Variants in SUCLG2 observed in about 807,000 individuals in gnomAD.
SUCLG2 encodes the protein succinate--CoA ligase [GDP-forming] subunit beta, mitochondrial.
A neutral mutation model predicts 47.9 loss-of-function variants in SUCLG2; 42 were observed. The ratio of observed to expected loss-of-function variants is 0.88; its 90% CI spans 0.69 to 1.14. SUCLG2 has a LOEUF of 1.14. Among genes scored for constraint, SUCLG2 ranks in the 50% most tolerant of loss-of-function variants. The pLI, the probability that SUCLG2 is intolerant of heterozygous loss-of-function variation, is 0.00. For missense variants in SUCLG2, 571 were observed against 525.9 expected, an observed-to-expected ratio of 1.09 and a Z score of -0.84; for synonymous variants, 195 against 197.3, an observed-to-expected ratio of 0.99 and a Z score of 0.10.
chr3:67,652,427 G>A (rs1701303015), intron 1 of SUCLG2, among the ~76,000 whole-genome samples: 2 of 152,330 alleles, frequency 1.3e-5, no homozygotes, highest in Non-Finnish European at 2.9e-5. Context: ...TATGATGAGA[G>A]AAGTGGGCCA....
chr3:67,598,523 T>C (rs921948454), intron 2 of SUCLG2, among the ~76,000 whole-genome samples: 5 of 152,220 alleles, frequency 3.3e-5, no homozygotes, highest in African/African-American at 9.6e-5. Flanking sequence ...TAAGCTTAAA[T>C]GCCAGATGAA....
At chr3:67,537,195 C>T (rs991854368) in intron 2 of SUCLG2, among the ~76,000 whole-genome samples, 2 of 151,398 alleles carry the variant, frequency 1.3e-5, no homozygotes, top group Admixed American at 1.3e-4. Flanking sequence ...TTATTTAAAT[C>T]CGTTCCCCTC....
chr3:67,557,303 C>A (rs1401932055), intron 2 of SUCLG2, among the ~76,000 whole-genome samples: 4 of 152,108 alleles, frequency 2.6e-5, no homozygotes, highest in East Asian at 1.9e-4. Flanking sequence ...TTGAGATGAA[C>A]AGAGATCGTT....
At chr3:67,388,494 T>C (rs764289729) in intron 10 of SUCLG2, among the ~76,000 whole-genome samples, 14 of 152,204 alleles carry the variant, frequency 9.2e-5, no homozygotes, top group Non-Finnish European at 1.8e-4. Context: ...AGCAGACCCA[T>C]AGCAAGACAA....
At chr3:67,451,893 C>T (rs1348450858) in intron 9 of SUCLG2, among the ~76,000 whole-genome samples, 1 of 152,056 alleles carries the variant, frequency 6.6e-6, no homozygotes. Context: ...TTCCATAGCC[C>T]AACCCCGTCA....
At position 67,606,104 on chromosome 3, in the gene SUCLG2, C is replaced by T. The variant is rs557022372; in HGVS notation, c.226+3351G>A. 1.2e-3 allele frequency among the ~76,000 whole-genome samples: 182 copies of T among 152,158 alleles called. 1 individual carries two copies. The highest frequency in any genetic ancestry group is 3.4e-3 in the Middle Eastern group (1 of 294). ...CCTGTAGTCCTACCTACTCTGAAGG[C>T]TGAGGTGGGAGGATCACTCGAGCCC... On this transcript the variant is annotated intron_variant, in intron 2 of 10. Coordinates refer to ENST00000307227, the MANE Select transcript of SUCLG2 (RefSeq NM_003848.4).
intron 1 of SUCLG2, among the ~76,000 whole-genome samples, chr3:67,620,893 A>C (rs1309117882): frequency 1.3e-5 from 2 of 152,246 alleles, no homozygotes; most frequent in Non-Finnish European, 2.9e-5. Flanking sequence ...AGGCAAATAC[A>C]GAGTTTAGAC....
At chr3:67,572,560 G>A (rs1353466986) in intron 2 of SUCLG2, among the ~76,000 whole-genome samples, 4 of 152,122 alleles carry the variant, frequency 2.6e-5, no homozygotes, top group Non-Finnish European at 5.9e-5. Flanking sequence ...ACCCTGCACA[G>A]TAAAAAAATG....
intron 10 of SUCLG2, among the ~76,000 whole-genome samples, chr3:67,381,105 A>C (rs930480151): frequency 2.2e-4 from 33 of 152,230 alleles, no homozygotes; most frequent in African/African-American, 7.5e-4. Context: ...TGAGCACAGA[A>C]GGTCAAGGCT....
At chr3:67,462,147 C>T (rs1704352457) in intron 9 of SUCLG2, among the ~76,000 whole-genome samples, 1 of 152,044 alleles carries the variant, frequency 6.6e-6, no homozygotes, top group African/African-American at 2.4e-5. Flanking sequence ...GTCTCAGAAG[C>T]AAACCTCAAA....
chr3:67,386,852 T>A (rs1426876260), intron 10 of SUCLG2, among the ~76,000 whole-genome samples: 1 of 152,218 alleles, frequency 6.6e-6, no homozygotes, highest in Non-Finnish European at 1.5e-5. Context: ...GTTGCAGCCA[T>A]AATTCCCTGG....
chr3:67,402,971 G>T (rs1702721008), intron 9 of SUCLG2, among the ~76,000 whole-genome samples: 1 of 152,210 alleles, frequency 6.6e-6, no homozygotes, highest in Non-Finnish European at 1.5e-5. Context: ...TTGAGACCCT[G>T]TGATTCAATT....
intron 2 of SUCLG2, among the ~76,000 whole-genome samples, chr3:67,597,668 A>C (rs1199203031): frequency 6.6e-6 from 1 of 152,172 alleles, no homozygotes; most frequent in Non-Finnish European, 1.5e-5. Flanking sequence ...GGCCGGGTGC[A>C]GTGGCTCACG....
intron 2 of SUCLG2, among the ~76,000 whole-genome samples, chr3:67,607,723 G>A (rs1332336495): frequency 6.6e-6 from 1 of 152,182 alleles, no homozygotes. Flanking sequence ...CAAGGGTGGG[G>A]CCAGGGGGAG....
In SUCLG2 at chr3:67,648,569, C is replaced by G. The variant is rs115165353; in HGVS notation, c.84+5934G>C. Among the ~76,000 whole-genome samples, 360 of 152,294 alleles carry G rather than the reference C, an allele frequency of 2.4e-3. 4 individuals carry two copies. The highest frequency in any genetic ancestry group is 8.1e-3 in the African/African-American group (338 of 41,574). ...TTTTAAGCAAATGACTATAGGGCCT[C>G]TCTATGCCTCTGACTGCTTCTATAA... is the stretch of plus-strand genomic sequence containing the variant. On this transcript the variant is annotated intron_variant, in intron 1 of 10. Coordinates refer to ENST00000307227, the MANE Select transcript of SUCLG2 (RefSeq NM_003848.4).
chr3:67,561,140 T>G (rs1707297600), intron 2 of SUCLG2, among the ~76,000 whole-genome samples: 1 of 151,058 alleles, frequency 6.6e-6, no homozygotes, highest in Non-Finnish European at 1.5e-5. Context: ...TCTCAGTCAT[T>G]TAGTATTATA....
At chr3:67,494,699 C>A (rs1258451822) in intron 9 of SUCLG2, among the ~76,000 whole-genome samples, 1 of 152,034 alleles carries the variant, frequency 6.6e-6, no homozygotes, top group Non-Finnish European at 1.5e-5. Flanking sequence ...ACTTCACAGG[C>A]CTGTTAAAAG....
rs115750527 is a variant in SUCLG2 at position 67,584,389 on chromosome 3, T to A, written c.226+25066A>T. On this transcript the variant is annotated intron_variant, in intron 2 of 10. Coordinates refer to ENST00000307227, the MANE Select transcript of SUCLG2 (RefSeq NM_003848.4). ...TGGTTGCTGGGGCTGGCAGGAGTAATGGGATTAACAGTAAAGGGCATAAGG... is the reference window on the plus strand; with the variant it reads ...TGGTTGCTGGGGCTGGCAGGAGTAAAGGGATTAACAGTAAAGGGCATAAGG... 9.9e-3 allele frequency among the ~76,000 whole-genome samples: 1,499 copies of A among 152,146 alleles called. 31 individuals are homozygous for A. Among genetic ancestry groups the A allele is most frequent in the African/African-American group, 0.034 (1,396 of 41,484 alleles).
chr3:67,487,961 T>C (rs1425657613), intron 9 of SUCLG2, among the ~76,000 whole-genome samples: 1 of 151,950 alleles, frequency 6.6e-6, no homozygotes, highest in South Asian at 2.1e-4. Flanking sequence ...AACTTGTATA[T>C]CCATACAAGT....
Sources: gnomAD v4.1 joint callset for allele counts (sites outside exome capture counted in the v4.1 genomes callset) on GRCh38, gnomAD v4.1.1 for gene constraint, MANE v1.5 for transcripts, NCBI Gene and HGNC (gene_info 2026-07-23, HGNC 2026-07-21) for gene names.